Variants in ATP6V0D2 observed in about 807,000 individuals in gnomAD.
ATP6V0D2 encodes ATPase H+ transporting V0 subunit d2, also known as V-type proton ATPase subunit d 2.
ATP6V0D2 carries 40 observed loss-of-function variants against 40.0 expected under a neutral mutation model. The ratio of observed to expected loss-of-function variants is 1.00; its 90% CI spans 0.78 to 1.30. ATP6V0D2 has a LOEUF of 1.30. Among genes scored for constraint, ATP6V0D2 ranks in the 50% most tolerant of loss-of-function variants. The probability of loss-of-function intolerance (pLI) is 0.00; values close to 1 mark genes in which losing one functional copy is unlikely to be tolerated. For synonymous variants in ATP6V0D2, 179 were observed against 156.3 expected, an observed-to-expected ratio of 1.15 and a Z score of -1.08; for missense variants, 470 against 423.1, an observed-to-expected ratio of 1.11 and a Z score of -0.97.
At chr8:86,105,504 C>T (rs982045432) in intron 1 of ATP6V0D2, among the ~76,000 whole-genome samples, 2 of 151,904 alleles carry the variant, frequency 1.3e-5, no homozygotes, top group South Asian at 2.1e-4. Context: ...ATTCATGTTG[C>T]GCAGGCTGGT....
At position 86,099,080 on chromosome 8, in the gene ATP6V0D2, C is replaced by T. The variant is rs1231987419; in HGVS notation, c.102C>T (p.Ile34=). ...GCCTCCTGACCCAGCAAGACTATAT[C>T]AACCTGGTCCAGTGTGAGACCCTAG... ...KASLLTQQDY[I]NLVQCETLED... is the part of the protein sequence containing the mutation. Residue 34 remains isoleucine (I), a synonymous_variant, in exon 1 of 8, where the codon ATC becomes ATT. Transcript: ENST00000285393. 1.9e-6 allele frequency: 3 copies of T among 1,613,066 alleles called. No individual in the cohort carries two copies. The Admixed American group carries it at 5.0e-5, about 27-fold the overall frequency.
chr8:86,113,454 C>T lies in ATP6V0D2; in HGVS notation c.131-255C>T, dbSNP rs142315976. ...CTGAGATCGCACCACGGCACTCCTGCCTGGGCTACAGAGGGAGACTCCCTC... is the reference window on the plus strand; with the variant it reads ...CTGAGATCGCACCACGGCACTCCTGTCTGGGCTACAGAGGGAGACTCCCTC... On this transcript the variant is annotated intron_variant, in intron 1 of 7. Transcript: ENST00000285393. 1.1e-3 allele frequency among the ~76,000 whole-genome samples: 163 copies of T among 152,290 alleles called. 3 individuals carry two copies. Among genetic ancestry groups the T allele is most frequent in the African/African-American group, 3.7e-3 (155 of 41,584 alleles).
intron 2 of ATP6V0D2, among the ~76,000 whole-genome samples, chr8:86,119,181 G>A (rs939290897): frequency 6.0e-5 from 9 of 151,060 alleles, no homozygotes; most frequent in South Asian, 2.1e-4. Context: ...TTTGGTCAAA[G>A]GTTCCGCTCA....
At chr8:86,109,463 T>C (rs926775635) in intron 1 of ATP6V0D2, among the ~76,000 whole-genome samples, 3 of 152,082 alleles carry the variant, frequency 2.0e-5, no homozygotes, top group African/African-American at 7.2e-5. Context: ...GGAAGAGAGG[T>C]TCCTTCTATT....
intron 2 of ATP6V0D2, among the ~76,000 whole-genome samples, chr8:86,127,520 A>T (rs1041442792): frequency 1.3e-5 from 2 of 151,442 alleles, no homozygotes; most frequent in African/African-American, 2.4e-5. Context: ...CAGTGGTGTG[A>T]TCATGGCTCA....
intron 2 of ATP6V0D2, among the ~76,000 whole-genome samples, chr8:86,115,242 C>T (rs1039658000): frequency 1.3e-5 from 2 of 151,608 alleles, no homozygotes; most frequent in African/African-American, 2.4e-5. Context: ...TCTGGTTGAA[C>T]GATAAAATGA....
chr8:86,150,878 T>C (rs2129646419), intron 6 of ATP6V0D2, among the ~76,000 whole-genome samples: 1 of 152,246 alleles, frequency 6.6e-6, no homozygotes, highest in Non-Finnish European at 1.5e-5. Context: ...TCCCTCTCAC[T>C]TGCACACATT....
At chr8:86,126,262 A>ATATATATATATATATATATATT (rs1191399026) in intron 2 of ATP6V0D2, among the ~76,000 whole-genome samples, 1 of 131,332 alleles carries the variant, frequency 7.6e-6, no homozygotes, top group African/African-American at 2.8e-5. Flanking sequence ...ATATATATAT[A>ATATATATATATATATATATATT]TCTTTTTGTA....
intron 1 of ATP6V0D2, among the ~76,000 whole-genome samples, chr8:86,112,367 G>T (rs942024787): frequency 2.0e-5 from 3 of 152,178 alleles, no homozygotes; most frequent in African/African-American, 7.2e-5. Context: ...TGACTTTGAA[G>T]TCAGGAATAC....
chr8:86,142,701 T>C (rs1818991578), intron 4 of ATP6V0D2, among the ~76,000 whole-genome samples, 176 bp from the exon 5 acceptor site: 1 of 152,252 alleles, frequency 6.6e-6, no homozygotes, highest in East Asian at 1.9e-4. Flanking sequence ...TTTTTTAGAC[T>C]GTGCAACATG....
intron 5 of ATP6V0D2, among the ~76,000 whole-genome samples, chr8:86,149,060 A>AAAC (rs1819108197): frequency 6.7e-6 from 1 of 148,716 alleles, no homozygotes; most frequent in African/African-American, 2.5e-5. Flanking sequence ...AGGAAGAAAA[A>AAAC]AAAAAAAAAA....
intron 5 of ATP6V0D2, among the ~76,000 whole-genome samples, chr8:86,145,890 C>T (rs1480422465): frequency 6.6e-6 from 1 of 152,196 alleles, no homozygotes; most frequent in African/African-American, 2.4e-5. Flanking sequence ...TAGATGCTAT[C>T]TTGAGTGCTT....
chr8:86,111,186 C>CT (rs113457318), intron 1 of ATP6V0D2, among the ~76,000 whole-genome samples: 17,081 of 139,218 alleles, frequency 0.12, 1,266 homozygotes, highest in East Asian at 0.33. Flanking sequence ...TTTTTTCTTT[C>CT]TTTTTTTTTT....
chr8:86,133,410 C>T (rs1818853885), intron 2 of ATP6V0D2, among the ~76,000 whole-genome samples: 1 of 150,274 alleles, frequency 6.7e-6, no homozygotes. Flanking sequence ...GCAACCTCCG[C>T]CTCCTGGGTT....
chr8:86,148,798 C>A (rs1039800759), intron 5 of ATP6V0D2, among the ~76,000 whole-genome samples: 1 of 151,950 alleles, frequency 6.6e-6, no homozygotes, highest in African/African-American at 2.4e-5. Context: ...AAAGGCTGGG[C>A]GTGGTGGCTC....
intron 1 of ATP6V0D2, among the ~76,000 whole-genome samples, chr8:86,110,411 A>G (rs1431094460): frequency 6.6e-6 from 1 of 152,198 alleles, no homozygotes; most frequent in Non-Finnish European, 1.5e-5. Context: ...GTTTTAATAT[A>G]TGTATTAATT....
intron 5 of ATP6V0D2, among the ~76,000 whole-genome samples, chr8:86,143,917 G>T (rs963941276): frequency 6.6e-6 from 1 of 152,050 alleles, no homozygotes; most frequent in Admixed American, 6.6e-5. Context: ...CCACAACTTG[G>T]CATCAAAAGT....
At chr8:86,100,995 A>C (rs1330003570) in intron 1 of ATP6V0D2, among the ~76,000 whole-genome samples, 1 of 151,776 alleles carries the variant, frequency 6.6e-6, no homozygotes, top group Non-Finnish European at 1.5e-5. Flanking sequence ...GAAATAGAAA[A>C]AGTTAGTTGG....
intron 1 of ATP6V0D2, among the ~76,000 whole-genome samples, chr8:86,108,860 G>A (rs746121051): frequency 6.6e-6 from 1 of 152,114 alleles, no homozygotes; most frequent in Non-Finnish European, 1.5e-5. Context: ...CACAGAAAAC[G>A]CATGTTTATA....
Sources: gnomAD v4.1 joint callset for allele counts (sites outside exome capture counted in the v4.1 genomes callset) on GRCh38, gnomAD v4.1.1 for gene constraint, MANE v1.5 for transcripts, NCBI Gene and HGNC (gene_info 2026-07-23, HGNC 2026-07-21) for gene names.